The following FILIP1L variants were observed in gnomAD, a reference collection of about 807,000 sequenced individuals.
FILIP1L encodes filamin A-interacting protein 1-like.
A neutral mutation model predicts 96.6 loss-of-function variants in FILIP1L; 55 were observed. The observed-to-expected ratio is 0.57, with a 90% CI of 0.46 to 0.71. The LOEUF (loss-of-function observed/expected upper bound fraction) is 0.71, where lower values mean the gene tolerates loss of function less well. Ranked by LOEUF, FILIP1L falls within the 30% of genes least tolerant of loss-of-function variation. FILIP1L has a pLI of 0.00. For missense variants in FILIP1L, 1,304 were observed against 1,321.2 expected (o/e 0.99, Z 0.20); for synonymous variants, 467 against 473.9 (o/e 0.99, Z 0.19).
chr3:100,024,902 A>G (rs1456145910), intron 1 of FILIP1L, among the ~76,000 whole-genome samples: 1 of 152,212 alleles, frequency 6.6e-6, no homozygotes, highest in East Asian at 1.9e-4. Flanking sequence ...TCAGGGCACC[A>G]GAGCAGGACT....
intron 1 of FILIP1L, among the ~76,000 whole-genome samples, chr3:99,933,102 A>G (rs1469330827): frequency 6.6e-6 from 1 of 152,226 alleles, no homozygotes; most frequent in Non-Finnish European, 1.5e-5. Context: ...TTGCACAGCT[A>G]ATAAGTGGCA....
intron 1 of FILIP1L, among the ~76,000 whole-genome samples, chr3:100,078,078 TAA>T (rs538006223): frequency 6.2e-5 from 9 of 146,002 alleles, no homozygotes; most frequent in African/African-American, 1.8e-4. Context: ...GGGCTTGCTT[TAA>T]AAAAAAAAAA....
chr3:99,988,380 G>A (rs1461026473), intron 1 of FILIP1L, among the ~76,000 whole-genome samples: 8 of 149,960 alleles, frequency 5.3e-5, no homozygotes, highest in Non-Finnish European at 8.9e-5. Context: ...AGGCATGGTG[G>A]CATGTGCCTG....
At chr3:99,907,775 T>C (rs1706667640) in intron 4 of FILIP1L, among the ~76,000 whole-genome samples, 1 of 152,192 alleles carries the variant, frequency 6.6e-6, no homozygotes, top group Admixed American at 6.5e-5. Flanking sequence ...TGTCTGTCTT[T>C]TAATGTGCAA....
intron 1 of FILIP1L, among the ~76,000 whole-genome samples, chr3:100,077,662 C>T (rs540192013): frequency 3.3e-5 from 5 of 152,272 alleles, no homozygotes; most frequent in African/African-American, 9.6e-5. Flanking sequence ...GTGGCTCACA[C>T]CTATAATCAC....
chr3:99,947,704 A>G (rs2107684318), intron 1 of FILIP1L, among the ~76,000 whole-genome samples: 1 of 152,382 alleles, frequency 6.6e-6, no homozygotes, highest in African/African-American at 2.4e-5. Flanking sequence ...CCAAATAAAA[A>G]TATAAAATTG....
intron 5 of FILIP1L, chr3:99,833,222 A>C (rs752418514): frequency 2.5e-6 from 4 of 1,610,290 alleles, no homozygotes; most frequent in Non-Finnish European, 3.4e-6. Flanking sequence ...TAAAAGTCTG[A>C]AGGATGTTGA....
intron 3 of FILIP1L, among the ~76,000 whole-genome samples, chr3:99,928,597 A>G (rs543321822): frequency 6.6e-6 from 1 of 152,330 alleles, no homozygotes; most frequent in African/African-American, 2.4e-5. Flanking sequence ...TTATTTTGTA[A>G]TTAAATTTTT....
At chr3:100,067,398 A>G (rs2065685082) in intron 1 of FILIP1L, among the ~76,000 whole-genome samples, 1 of 152,192 alleles carries the variant, frequency 6.6e-6, no homozygotes, top group African/African-American at 2.4e-5. Flanking sequence ...GGTTGTATAT[A>G]TAAGAAAGGT....
At chr3:99,990,582 C>T (rs1709482764) in intron 1 of FILIP1L, among the ~76,000 whole-genome samples, 1 of 152,056 alleles carries the variant, frequency 6.6e-6, no homozygotes, top group Non-Finnish European at 1.5e-5. Context: ...ACTGGAGAGC[C>T]TCTAAATAAT....
chr3:99,855,092 T>C (rs549580269), intron 4 of FILIP1L, among the ~76,000 whole-genome samples: 23 of 152,324 alleles, frequency 1.5e-4, no homozygotes, highest in Non-Finnish European at 2.4e-4. Flanking sequence ...GGAAATGGGA[T>C]ACTGTTTGAA....
chr3:99,906,018 C>A (rs1159310441), intron 4 of FILIP1L, among the ~76,000 whole-genome samples: 2 of 152,100 alleles, frequency 1.3e-5, no homozygotes, highest in Admixed American at 1.3e-4. Context: ...CATGGAGAAA[C>A]CCTGTCTCTA....
At chr3:99,936,278 T>C (rs963496770) in intron 1 of FILIP1L, among the ~76,000 whole-genome samples, 3 of 151,660 alleles carry the variant, frequency 2.0e-5, no homozygotes, top group Non-Finnish European at 4.4e-5. Context: ...AGCTAACATG[T>C]ATTCATTACT....
chr3:99,883,208 C>A (rs1171610680), intron 4 of FILIP1L, among the ~76,000 whole-genome samples: 2 of 152,168 alleles, frequency 1.3e-5, no homozygotes, highest in African/African-American at 4.8e-5. Context: ...CCGAACAGCT[C>A]CAGAGATTTT....
chr3:99,870,598 T>C (rs1944738825), intron 4 of FILIP1L, among the ~76,000 whole-genome samples: 1 of 152,214 alleles, frequency 6.6e-6, no homozygotes, highest in Admixed American at 6.5e-5. Context: ...GTATGGTGTG[T>C]GGTGAACTTA....
intron 4 of FILIP1L, among the ~76,000 whole-genome samples, chr3:99,868,958 A>G (rs1944650873): frequency 6.6e-6 from 1 of 152,200 alleles, no homozygotes; most frequent in East Asian, 1.9e-4. Flanking sequence ...AGCTCCTTAA[A>G]GGAATAATAC....
At chr3:100,016,581 C>T (rs536338357) in intron 1 of FILIP1L, among the ~76,000 whole-genome samples, 10 of 152,268 alleles carry the variant, frequency 6.6e-5, no homozygotes, top group African/African-American at 1.9e-4. Context: ...GATGTGAATG[C>T]TCCTAATCTT....
intron 1 of FILIP1L, among the ~76,000 whole-genome samples, chr3:100,081,981 G>A (rs1576033843): frequency 6.6e-6 from 1 of 152,106 alleles, no homozygotes; most frequent in African/African-American, 2.4e-5. Flanking sequence ...AGGAGGTATG[G>A]CATATTTAGA....
chr3:99,914,144 C>T (rs1407754702), intron 4 of FILIP1L, among the ~76,000 whole-genome samples: 1 of 152,138 alleles, frequency 6.6e-6, no homozygotes, highest in Non-Finnish European at 1.5e-5. Flanking sequence ...CATGTAGGGC[C>T]AGTACTGAGT....
Sources: allele counts gnomAD v4.1 joint callset (sites outside exome capture counted in the v4.1 genomes callset), GRCh38; gene constraint gnomAD v4.1.1; transcripts MANE v1.5; gene names NCBI Gene and HGNC (gene_info 2026-07-23, HGNC 2026-07-21).